The following DYM variants were observed in gnomAD, a reference collection of about 807,000 sequenced individuals.
DYM encodes dyggve-Melchior-Clausen syndrome protein.
A neutral mutation model predicts 93.1 loss-of-function variants in DYM; 78 were observed. That is an observed-to-expected ratio of 0.84 (90% confidence interval 0.70 to 1.01). DYM has a LOEUF of 1.01. Ranked by LOEUF, DYM falls within the 50% of genes least tolerant of loss-of-function variation. The pLI is 0.00. For missense variants in DYM, 789 were observed against 845.0 expected (o/e 0.93, Z 0.82); for synonymous variants, 321 against 319.7 (o/e 1.00, Z -0.04).
At chr18:49,117,188 C>G (rs1055838379) in intron 16 of DYM, among the ~76,000 whole-genome samples, 1 of 152,092 alleles carries the variant, frequency 6.6e-6, no homozygotes, top group Non-Finnish European at 1.5e-5. Context: ...TAAATGATGT[C>G]GATATAAGTT....
At chr18:49,405,630 AG>A (rs2071400545) in intron 2 of DYM, among the ~76,000 whole-genome samples, 1 of 152,144 alleles carries the variant, frequency 6.6e-6, no homozygotes, top group African/African-American at 2.4e-5. Flanking sequence ...TTGTTACTGT[AG>A]CCTTATAGTA....
intron 17 of DYM, among the ~76,000 whole-genome samples, chr18:49,091,876 G>A (rs2079080923): frequency 6.6e-6 from 1 of 152,046 alleles, no homozygotes. Flanking sequence ...AGCTCCCAAA[G>A]TGCTGGGATT....
intron 1 of DYM, among the ~76,000 whole-genome samples, chr18:49,445,716 C>G (rs2082039563): frequency 6.6e-6 from 1 of 152,166 alleles, no homozygotes; most frequent in South Asian, 2.1e-4. Flanking sequence ...CATGAAACCT[C>G]TGGAACAGGG....
chr18:49,197,255 G>A (rs1465242234), intron 14 of DYM, among the ~76,000 whole-genome samples: 1 of 151,610 alleles, frequency 6.6e-6, no homozygotes, highest in Non-Finnish European at 1.5e-5. Flanking sequence ...CATAGAAATT[G>A]ATGAAAATGG....
At chr18:49,294,870 A>C (rs973823619) in intron 8 of DYM, among the ~76,000 whole-genome samples, 4 of 152,222 alleles carry the variant, frequency 2.6e-5, no homozygotes, top group African/African-American at 4.8e-5. Context: ...TAAAACTGTA[A>C]TACTGATACA....
intron 10 of DYM, among the ~76,000 whole-genome samples, chr18:49,275,131 T>A (rs2094817791): frequency 6.6e-6 from 1 of 152,180 alleles, no homozygotes; most frequent in South Asian, 2.1e-4. Flanking sequence ...TTTGACCCAT[T>A]TTGAATTAAC....
intron 5 of DYM, among the ~76,000 whole-genome samples, chr18:49,372,757 C>A (rs2067166012): frequency 1.3e-5 from 2 of 151,834 alleles, no homozygotes; most frequent in East Asian, 1.9e-4. Flanking sequence ...AAAGAAAAAA[C>A]CATGTATAAA....
chr18:49,064,842 A>G (rs1267088166), intron 17 of DYM, among the ~76,000 whole-genome samples: 2 of 150,954 alleles, frequency 1.3e-5, no homozygotes, highest in Admixed American at 6.6e-5. Context: ...ACTTTCAAAT[A>G]CTGTTTTGGA....
chr18:49,051,976 T>A (rs189763720), intron 17 of DYM, among the ~76,000 whole-genome samples: 2 of 152,340 alleles, frequency 1.3e-5, no homozygotes, highest in East Asian at 3.9e-4. Flanking sequence ...TCTCCCACAG[T>A]GAGCAAGGGA....
intron 8 of DYM, among the ~76,000 whole-genome samples, chr18:49,297,864 A>G (rs536898336): frequency 6.6e-6 from 1 of 152,162 alleles, no homozygotes; most frequent in Non-Finnish European, 1.5e-5. Context: ...AAAGGGCATA[A>G]TCCTCAAGTA....
At chr18:49,395,687 A>T (rs1267914274) in intron 2 of DYM, among the ~76,000 whole-genome samples, 1 of 152,158 alleles carries the variant, frequency 6.6e-6, no homozygotes, top group Non-Finnish European at 1.5e-5. Flanking sequence ...ATACCTCACC[A>T]CTAATCACCA....
chr18:49,082,768 T>C (rs932686826), intron 17 of DYM, among the ~76,000 whole-genome samples: 1 of 152,240 alleles, frequency 6.6e-6, no homozygotes, highest in Non-Finnish European at 1.5e-5. Flanking sequence ...TTTTTTAATG[T>C]GTATACATTT....
chr18:49,095,704 G>C (rs1157096164), intron 17 of DYM, among the ~76,000 whole-genome samples: 2 of 152,082 alleles, frequency 1.3e-5, no homozygotes, highest in Non-Finnish European at 1.5e-5. Flanking sequence ...AAAACGAAAA[G>C]AGTTACATTT....
intron 15 of DYM, among the ~76,000 whole-genome samples, chr18:49,139,647 C>A (rs765342529): frequency 1.3e-5 from 2 of 152,078 alleles, no homozygotes; most frequent in Non-Finnish European, 2.9e-5. Flanking sequence ...TTAAGCAAAT[C>A]CCCTTATATC....
At chr18:49,331,378 CAA>C (rs151326577) in intron 8 of DYM, among the ~76,000 whole-genome samples, 1 of 152,312 alleles carries the variant, frequency 6.6e-6, no homozygotes, top group East Asian at 1.9e-4. Flanking sequence ...AAACAAAACT[CAA>C]GTTTGTGCCA....
intron 8 of DYM, among the ~76,000 whole-genome samples, chr18:49,297,639 T>A (rs1289977573): frequency 6.6e-6 from 1 of 152,232 alleles, no homozygotes; most frequent in Non-Finnish European, 1.5e-5. Context: ...ATAATGGGTA[T>A]ATATCATGCT....
At chr18:49,162,152 T>C (rs957506917) in intron 15 of DYM, among the ~76,000 whole-genome samples, 2 of 152,248 alleles carry the variant, frequency 1.3e-5, no homozygotes, top group African/African-American at 4.8e-5. Flanking sequence ...ACACATTCTC[T>C]TTCCTATTAT....
intron 5 of DYM, among the ~76,000 whole-genome samples, chr18:49,367,653 AATAC>A (rs1299703962): frequency 6.6e-6 from 1 of 152,234 alleles, no homozygotes; most frequent in Admixed American, 6.5e-5. Context: ...TTTAAATCAG[AATAC>A]ATACAGTCAT....
At chr18:49,253,206 C>T (rs1045250889) in intron 13 of DYM, among the ~76,000 whole-genome samples, 1 of 152,086 alleles carries the variant, frequency 6.6e-6, no homozygotes, top group East Asian at 1.9e-4. Flanking sequence ...ATTGTGTAGT[C>T]TCTTTCTAAA....
Sources: allele counts gnomAD v4.1 joint callset (sites outside exome capture counted in the v4.1 genomes callset), GRCh38; gene constraint gnomAD v4.1.1; transcripts MANE v1.5; gene names NCBI Gene and HGNC (gene_info 2026-07-23, HGNC 2026-07-21).